Variants in GPHN observed in about 807,000 individuals in gnomAD.
GPHN encodes the protein gephyrin.
A neutral mutation model predicts 95.5 loss-of-function variants in GPHN; 17 were observed. The observed-to-expected ratio is 0.18, with a 90% confidence interval of 0.12 to 0.27. The LOEUF is 0.27. GPHN is among the 10% of genes least tolerant of loss of function. The probability of loss-of-function intolerance (pLI) is 1.00; values close to 1 mark genes in which losing one functional copy is unlikely to be tolerated. For missense variants in GPHN, 660 were observed against 978.1 expected, an observed-to-expected ratio of 0.67 and a Z score of 4.34; for synonymous variants, 320 against 322.5, an observed-to-expected ratio of 0.99 and a Z score of 0.08.
chr14:67,124,863 C>A (rs79042371), intron 17 of GPHN, among the ~76,000 whole-genome samples: 1,831 of 151,576 alleles, frequency 0.012, 19 homozygotes, highest in Non-Finnish European at 0.018. Context: ...CTGCCATTAT[C>A]TTGAAGTACT....
At chr14:67,253,959 TTTTG>T in the GPHN span, among the ~76,000 whole-genome samples, 1 of 148,084 alleles carries the variant, frequency 6.8e-6, no homozygotes, top group Non-Finnish European at 1.5e-5. Flanking sequence ...TAATATTTTG[TTTTG>T]TTTTTTTTTT....
chr14:66,515,699 G>A (rs1263638582), intron 1 of GPHN, among the ~76,000 whole-genome samples: 1 of 152,128 alleles, frequency 6.6e-6, no homozygotes, highest in Non-Finnish European at 1.5e-5. Context: ...ACCTTTAAAT[G>A]GGGGTAAGTG....
intron 1 of GPHN, among the ~76,000 whole-genome samples, chr14:66,578,650 G>A (rs2061006226): frequency 1.1e-5 from 1 of 89,208 alleles, no homozygotes; most frequent in Admixed American, 1.4e-4. Context: ...GTCAGGGATA[G>A]AGTGAAAAAA....
intron 2 of GPHN, among the ~76,000 whole-genome samples, chr14:66,754,982 A>C (rs2058507281): frequency 1.3e-5 from 2 of 152,054 alleles, no homozygotes; most frequent in Non-Finnish European, 2.9e-5. Context: ...GAAATCCTGC[A>C]CTCAAATAAA....
intron 4 of GPHN, among the ~76,000 whole-genome samples, chr14:66,838,942 G>C (rs1567003285): frequency 6.6e-6 from 1 of 152,022 alleles, no homozygotes; most frequent in Non-Finnish European, 1.5e-5. Flanking sequence ...CATCTGATAG[G>C]GATTCAGAAA....
At chr14:67,434,426 A>G in the GPHN span, among the ~76,000 whole-genome samples, 1 of 152,362 alleles carries the variant, frequency 6.6e-6, no homozygotes, top group South Asian at 2.1e-4. Flanking sequence ...TTCAAATAGA[A>G]AAAACAGAAA....
intron 5 of GPHN, among the ~76,000 whole-genome samples, chr14:66,908,172 G>A (rs1412007056): frequency 1.3e-5 from 2 of 151,814 alleles, no homozygotes; most frequent in Admixed American, 1.3e-4. Context: ...AATAAAAGGA[G>A]CCTGGGTTCC....
At chr14:66,699,236 A>G (rs900837599) in intron 2 of GPHN, among the ~76,000 whole-genome samples, 8 of 152,182 alleles carry the variant, frequency 5.3e-5, no homozygotes, top group African/African-American at 1.9e-4. Flanking sequence ...GCATTAGGAG[A>G]TATATCTAAT....
At chr14:67,089,798 G>A (rs1309435806) in intron 12 of GPHN, among the ~76,000 whole-genome samples, 1 of 152,100 alleles carries the variant, frequency 6.6e-6, no homozygotes, top group African/African-American at 2.4e-5. Context: ...CTCACACAAA[G>A]TTGCCTGAGA....
At chr14:67,278,104 T>A in the GPHN span, among the ~76,000 whole-genome samples, 3 of 151,628 alleles carry the variant, frequency 2.0e-5, no homozygotes, top group Non-Finnish European at 4.4e-5. Flanking sequence ...TGGTGTGATC[T>A]CAGCTCACTG....
chr14:67,571,389 CATTG>C, the GPHN span: 36 of 209,792 alleles, frequency 1.7e-4, no homozygotes, highest in African/African-American at 7.5e-4. Flanking sequence ...GAGATGCAAT[CATTG>C]ATTGTTGCGA....
intron 9 of GPHN, among the ~76,000 whole-genome samples, chr14:66,970,152 C>CT (rs2069655598): frequency 7.0e-6 from 1 of 142,044 alleles, no homozygotes; most frequent in African/African-American, 2.6e-5. Flanking sequence ...TTGAAGTTAT[C>CT]AATATCTAAA....
chr14:67,446,045 A>G, the GPHN span: 1 of 518,538 alleles, frequency 1.9e-6, no homozygotes, highest in Non-Finnish European at 3.9e-6. Context: ...GCAAGATGGG[A>G]GGCCCAGATA....
At chr14:67,465,310 C>T in the GPHN span, among the ~76,000 whole-genome samples, 2 of 130,212 alleles carry the variant, frequency 1.5e-5, no homozygotes, top group South Asian at 2.3e-4. Flanking sequence ...ACATAGGGGC[C>T]GAAGGCCCAG....
chr14:66,776,350 G>C (rs1336038732), intron 2 of GPHN, 114 bp from the exon 3 acceptor site: 2 of 769,476 alleles, frequency 2.6e-6, no homozygotes, highest in South Asian at 1.4e-5. Flanking sequence ...CTCCATGGTT[G>C]TTGGGGTGAA....
Position 66,594,630 on chromosome 14 carries a change from T to C in GPHN, c.64+86039T>C, listed in dbSNP as rs1489081992. ...GGTGTTCACTTGCAGAAGAATAATA[T>C]TAGACTCCCATCTCACATCATATAT... On this transcript the variant is annotated intron_variant, in intron 1 of 22. Transcript: ENST00000478722. Among the ~76,000 whole-genome samples, 3 of 152,130 alleles carry C rather than the reference T, an allele frequency of 2.0e-5. No individual in the cohort carries two copies. In the East Asian group the frequency reaches 5.8e-4, roughly 29 times the overall value.
chr14:67,370,652 C>A, the GPHN span, among the ~76,000 whole-genome samples: 20 of 152,238 alleles, frequency 1.3e-4, no homozygotes, highest in East Asian at 3.9e-3. Context: ...CTTACTGAAA[C>A]TGACCAATAT....
At chr14:67,399,883 G>A in the GPHN span, among the ~76,000 whole-genome samples, 7 of 152,220 alleles carry the variant, frequency 4.6e-5, no homozygotes, top group East Asian at 9.6e-4. Flanking sequence ...AAAGGAATGA[G>A]TTTAGTACAC....
At chr14:67,080,598 A>G (rs2076656442) in intron 11 of GPHN, among the ~76,000 whole-genome samples, 1 of 151,734 alleles carries the variant, frequency 6.6e-6, no homozygotes, top group African/African-American at 2.4e-5. Flanking sequence ...TGTTTTTTTC[A>G]CTGTCTTCTT....
Sources: allele counts gnomAD v4.1 joint callset (sites outside exome capture counted in the v4.1 genomes callset), GRCh38; gene constraint gnomAD v4.1.1; transcripts MANE v1.5; gene names NCBI Gene and HGNC (gene_info 2026-07-23, HGNC 2026-07-21).